BZW1: variants seen among roughly 807,000 people sequenced by gnomAD.
BZW1 encodes the protein basic leucine zipper and W2 domains 1.
A neutral mutation model predicts 54.1 loss-of-function variants in BZW1; 3 were observed. That is an observed-to-expected ratio of 0.06 (90% CI 0.03 to 0.14). The LOEUF (loss-of-function observed/expected upper bound fraction) is 0.14, where lower values mean the gene tolerates loss of function less well. BZW1 is among the 10% of genes least tolerant of loss of function. The pLI is 1.00. For missense variants in BZW1, 206 were observed against 491.7 expected, an observed-to-expected ratio of 0.42 and a Z score of 5.50; for synonymous variants, 152 against 162.7, an observed-to-expected ratio of 0.93 and a Z score of 0.50.
intron 1 of BZW1, chr2:200,812,486 G>A (rs2038109877): frequency 1.5e-6 from 2 of 1,337,946 alleles, no homozygotes; most frequent in Non-Finnish European, 1.9e-6. Flanking sequence ...GCCACCGCAG[G>A]CGACAGGGTC....
At position 200,826,420 on chromosome 2, in the gene BZW1, T is replaced by TGATAGATAGATAGATAGA. The variant is rs1559318459; in HGVS notation, c.*4242_*4243insGATAGATAGATAGATAGA. The TGATAGATAGATAGATAGA allele has an allele frequency of 1.3e-3, 84 of 62,966 alleles. No homozygotes were observed. Among genetic ancestry groups the TGATAGATAGATAGATAGA allele is most frequent in the Non-Finnish European group, 2.2e-3 (68 of 31,626 alleles). The allele number at this position is 62,966 out of a possible 1,614,324, so 3.9% of individuals were successfully genotyped here. ...AGATAGATAGATATTTTTTTTTTTT[T>TGATAGATAGATAGATAGA]TTTTTTTTTTTTTTTTTTTTTTGAG... On this transcript the variant is annotated 3_prime_UTR_variant, in exon 12 of 12. Transcript: ENST00000409600.
intron 1 of BZW1, chr2:200,812,540 C>T: frequency 1.4e-6 from 2 of 1,397,038 alleles, no homozygotes; most frequent in South Asian, 1.7e-5. Context: ...CCGCTGTGGC[C>T]GATGGGGTCC....
rs977794520 is a variant in BZW1, at chr2:200,824,789, A to T, written c.*2611A>T. The T allele has an allele frequency of 6.7e-6, 1 of 148,634 alleles. No homozygotes were observed. Among genetic ancestry groups the T allele is most frequent in the African/African-American group, 2.5e-5 (1 of 39,974 alleles). 9.2% of individuals were successfully genotyped at this position (148,634 alleles called of 1,614,324 possible). A position where few individuals can be genotyped will look rare whatever the true frequency, so the allele number is the denominator to read the frequency against. On this transcript the variant is annotated 3_prime_UTR_variant, in exon 12 of 12. Coordinates refer to ENST00000409600, the MANE Select transcript of BZW1 (RefSeq NM_001207067.2). Reference sequence around the variant, plus strand: ...CGGGTTCACGCCATTCTCCTGCCTCAGCCTCCCGAGTAGCTGGGACTACAG... The same window carrying T: ...CGGGTTCACGCCATTCTCCTGCCTCTGCCTCCCGAGTAGCTGGGACTACAG...
intron 5 of BZW1, among the ~76,000 whole-genome samples, chr2:200,816,827 A>G (rs954111520): frequency 6.6e-6 from 1 of 152,222 alleles, no homozygotes; most frequent in Non-Finnish European, 1.5e-5. Flanking sequence ...TGATATGTTT[A>G]TCAAGCACCA....
chr2:200,811,960 T>A lies in BZW1; in HGVS notation c.-41T>A, dbSNP rs2038079690. 3.2e-6 allele frequency: 1 copy of A among 314,058 alleles called. No homozygotes were observed. Among genetic ancestry groups the A allele is most frequent in the South Asian group, 1.6e-4 (1 of 6,352 alleles). The allele number at this position is 314,058 out of a possible 1,614,324, so 19.5% of individuals were successfully genotyped here. A position where few individuals can be genotyped will look rare whatever the true frequency, so the allele number is the denominator to read the frequency against. On this transcript the variant is annotated 5_prime_UTR_variant, in exon 1 of 12. Coordinates refer to ENST00000409600, the MANE Select transcript of BZW1 (RefSeq NM_001207067.2). ...CCGCAGTTGCCGGTACATCGGGGATTTCTGGCTCTTTCCTCTTCGCCTTAA... is the reference window on the plus strand; with the variant it reads ...CCGCAGTTGCCGGTACATCGGGGATATCTGGCTCTTTCCTCTTCGCCTTAA...
intron 1 of BZW1, chr2:200,812,365 G>T: frequency 7.8e-7 from 1 of 1,283,288 alleles, no homozygotes; most frequent in Non-Finnish European, 9.8e-7. Context: ...CACCACCGCT[G>T]CGGCCGCCGC....
At position 200,827,253 on chromosome 2, in the gene BZW1, C is replaced by T. The variant is rs1051242725; in HGVS notation, c.*5075C>T. On this transcript the variant is annotated 3_prime_UTR_variant, in exon 12 of 12. Transcript: ENST00000409600. Reference sequence around the variant, plus strand: ...CAGTAATTCTATTGCTGCGTTATTTCTGTGTTTAACTGTGAAACTTGCTTC... The same window carrying T: ...CAGTAATTCTATTGCTGCGTTATTTTTGTGTTTAACTGTGAAACTTGCTTC... 1 of 152,172 alleles carries T rather than the reference C, an allele frequency of 6.6e-6. No homozygotes were observed. Among genetic ancestry groups the T allele is most frequent in the Non-Finnish European group, 1.5e-5 (1 of 68,036 alleles). 9.4% of individuals were successfully genotyped at this position (152,172 alleles called of 1,614,324 possible).
At position 200,824,556 on chromosome 2, in the gene BZW1, G is replaced by A. The variant is rs2038641443; in HGVS notation, c.*2378G>A. On this transcript the variant is annotated 3_prime_UTR_variant, in exon 12 of 12. Transcript: ENST00000409600. ...ACCTCCATATACCAAAAATGCTACA[G>A]GATATTTTGAAATAGCATATTTTAG... is the stretch of plus-strand genomic sequence containing the variant. The A allele has an allele frequency of 6.6e-6, 1 of 151,270 alleles. No homozygotes were observed. Among genetic ancestry groups the A allele is most frequent in the Non-Finnish European group, 1.5e-5 (1 of 67,860 alleles). 9.4% of individuals were successfully genotyped at this position (151,270 alleles called of 1,614,324 possible).
Position 200,823,219 on chromosome 2 carries a change from A to T in BZW1, c.*1041A>T, listed in dbSNP as rs1435016534. On this transcript the variant is annotated 3_prime_UTR_variant, in exon 12 of 12. Transcript: ENST00000409600. ...AAATGAAGTGCAATGACAATTATATATTCCTACTCGGTCATACTGGACTGG... is the reference window on the plus strand; with the variant it reads ...AAATGAAGTGCAATGACAATTATATTTTCCTACTCGGTCATACTGGACTGG... The T allele has an allele frequency of 6.1e-6, 1 of 165,266 alleles. No homozygotes were observed. Among genetic ancestry groups the T allele is most frequent in the Admixed American group, 6.6e-5 (1 of 15,266 alleles). 10.2% of individuals were successfully genotyped at this position (165,266 alleles called of 1,614,324 possible).
chr2:200,815,571 G>A, intron 3 of BZW1, 54 bp downstream of exon 3: 19 of 1,604,200 alleles, frequency 1.2e-5, no homozygotes, highest in Admixed American at 1.7e-5. Context: ...AATATATGGA[G>A]ATTATGGAGA....
At position 200,826,227 on chromosome 2, in the gene BZW1, T is replaced by A. The variant is rs756318781; in HGVS notation, c.*4049T>A. The stretch of plus-strand genomic sequence containing the variant: ...TCAGAAAGGCTTTCTGACTCCTTTC[T>A]CTTCACTTTTTTCTCCCAGCTTAAC... On this transcript the variant is annotated 3_prime_UTR_variant, in exon 12 of 12. Coordinates refer to ENST00000409600, the MANE Select transcript of BZW1 (RefSeq NM_001207067.2). 7.9e-5 allele frequency: 12 copies of A among 152,144 alleles called. No individual in the cohort carries two copies. The highest frequency in any genetic ancestry group is 1.6e-4 in the Non-Finnish European group (11 of 68,016). The allele number at this position is 152,144 out of a possible 1,614,324, so 9.4% of individuals were successfully genotyped here. A position where few individuals can be genotyped will look rare whatever the true frequency, so the allele number is the denominator to read the frequency against.
Position 200,826,197 on chromosome 2 carries a change from CTG to C in BZW1, c.*4020_*4021del, listed in dbSNP as rs1225243934. 6.6e-6 allele frequency: 1 copy of C among 152,104 alleles called. No individual in the cohort carries two copies. The highest frequency in any genetic ancestry group is 1.5e-5 in the Non-Finnish European group (1 of 68,026). 9.4% of individuals were successfully genotyped at this position (152,104 alleles called of 1,614,324 possible). ...CAATCTTAGACATAATTATATGAAA[CTG>C]GATCAGAAAGGCTTTCTGACTCCTT... On this transcript the variant is annotated 3_prime_UTR_variant, in exon 12 of 12. Transcript: ENST00000409600.
At chr2:200,816,145 T>C (rs2038280970) in intron 4 of BZW1, among the ~76,000 whole-genome samples, 180 bp from the exon 5 acceptor site, 2 of 152,260 alleles carry the variant, frequency 1.3e-5, no homozygotes, top group South Asian at 4.1e-4. Context: ...TACGTAGTTA[T>C]GTTTGTGTTA....
intron 1 of BZW1, chr2:200,812,338 G>A (rs2038100061): frequency 3.2e-6 from 4 of 1,264,650 alleles, no homozygotes; most frequent in East Asian, 6.3e-5. Flanking sequence ...GGCGGGCGGG[G>A]CGGAGGGGCT....
At chr2:200,816,991 A>C in intron 5 of BZW1, 115 bp from the exon 6 acceptor site, 2 of 1,242,850 alleles carry the variant, frequency 1.6e-6, no homozygotes, top group Non-Finnish European at 2.2e-6. Context: ...GTAAACTTGG[A>C]TGGTTAGATC....
In BZW1 at chr2:200,824,672, C is replaced by CTTTTT. The variant is rs563435041; in HGVS notation, c.*2508_*2512dup. ...TTATCATACCCCCAGCCTTTTTAGG[C>CTTTTT]TTTTTTTTTTTTTTTTTTGAGACGG... On this transcript the variant is annotated 3_prime_UTR_variant, in exon 12 of 12. Coordinates refer to ENST00000409600, the MANE Select transcript of BZW1 (RefSeq NM_001207067.2). 10 of 127,102 alleles carry CTTTTT rather than the reference C, an allele frequency of 7.9e-5. No individual in the cohort carries two copies. Among genetic ancestry groups the CTTTTT allele is most frequent in the African/African-American group, 2.4e-4 (8 of 33,434 alleles). 7.9% of individuals were successfully genotyped at this position (127,102 alleles called of 1,614,324 possible).
At chr2:200,816,441 A>G (rs1221655119) in intron 5 of BZW1, 51 bp downstream of exon 5, 3 of 1,324,694 alleles carry the variant, frequency 2.3e-6, no homozygotes, top group Non-Finnish European at 3.1e-6. Context: ...GGTTAGAAAG[A>G]GGAATGTTAA....
In BZW1 at chr2:200,812,328, G is replaced by A. The variant is rs966967326; in HGVS notation, c.-11+338G>A. The A allele has an allele frequency of 3.1e-5, 39 of 1,258,926 alleles. No individual in the cohort carries two copies. The Admixed American group carries it at 1.3e-3, about 43-fold the overall frequency. The allele number at this position is 1,258,926 out of a possible 1,614,324, so 78.0% of individuals were successfully genotyped here. A position where few individuals can be genotyped will look rare whatever the true frequency, so the allele number is the denominator to read the frequency against. ...GTGTGATGTACGCGTGGGGGCTTCCGGCGGGCGGGGCGGAGGGGCTGCCAC... is the reference window on the plus strand; with the variant it reads ...GTGTGATGTACGCGTGGGGGCTTCCAGCGGGCGGGGCGGAGGGGCTGCCAC... On this transcript the variant is annotated intron_variant, in intron 1 of 11. Transcript: ENST00000409600.
At chr2:200,812,441 G>C in intron 1 of BZW1, 1 of 1,302,494 alleles carries the variant, frequency 7.7e-7, no homozygotes, top group Non-Finnish European at 9.8e-7. Context: ...GGCGCAAAGC[G>C]CCTCAGTGAC....
Sources: gnomAD v4.1 joint callset for allele counts (sites outside exome capture counted in the v4.1 genomes callset) on GRCh38, gnomAD v4.1.1 for gene constraint, MANE v1.5 for transcripts, NCBI Gene and HGNC (gene_info 2026-07-23, HGNC 2026-07-21) for gene names.